SLMAP: variants seen among roughly 807,000 people sequenced by gnomAD.
SLMAP encodes the protein sarcolemmal membrane-associated protein.
In SLMAP, 44 loss-of-function variants were observed where a neutral mutation model predicts 128.8. The observed-to-expected ratio is 0.34, with a 90% CI of 0.27 to 0.44. The LOEUF (loss-of-function observed/expected upper bound fraction) is 0.44, where lower values mean the gene tolerates loss of function less well. SLMAP is among the 20% of genes least tolerant of loss of function. The pLI, the probability that SLMAP is intolerant of heterozygous loss-of-function variation, is 1.00. For synonymous variants in SLMAP, 327 were observed against 348.8 expected (o/e 0.94, Z 0.70); for missense variants, 787 against 985.3 (o/e 0.80, Z 2.69).
Position 57,896,329 on chromosome 3 carries a change from G to A in SLMAP, c.1361-182G>A, listed in dbSNP as rs958434007. On this transcript the variant is annotated intron_variant, in intron 15 of 24. Transcript: ENST00000671191. ...CACATTATAATTTAATATGAGCTACGTGTAATAACCAGCATTCCATTTTGG... is the reference window on the plus strand; with the variant it reads ...CACATTATAATTTAATATGAGCTACATGTAATAACCAGCATTCCATTTTGG... 4.0e-5 allele frequency: 53 copies of A among 1,338,954 alleles called. No homozygotes were observed. The African/African-American group carries it at 6.2e-4, about 16-fold the overall frequency. The allele number at this position is 1,338,954 out of a possible 1,614,324, so 82.9% of individuals were successfully genotyped here. A position where few individuals can be genotyped will look rare whatever the true frequency, so the allele number is the denominator to read the frequency against.
At chr3:57,792,500 G>A (rs555061744) in intron 2 of SLMAP, among the ~76,000 whole-genome samples, 2 of 151,800 alleles carry the variant, frequency 1.3e-5, no homozygotes, top group South Asian at 2.1e-4. Context: ...TAACAGTTAG[G>A]TTTTATATTT....
intron 2 of SLMAP, among the ~76,000 whole-genome samples, chr3:57,775,792 C>T (rs1404414444): frequency 2.0e-5 from 3 of 151,990 alleles, no homozygotes; most frequent in East Asian, 1.9e-4. Flanking sequence ...CTCTGCCTCC[C>T]GGGTTCAAGT....
At chr3:57,854,524 G>A (rs150926206) in intron 6 of SLMAP, among the ~76,000 whole-genome samples, 2 of 152,260 alleles carry the variant, frequency 1.3e-5, no homozygotes, top group African/African-American at 4.8e-5. Flanking sequence ...CTTGAACGCG[G>A]GAGGTGGAGG....
intron 4 of SLMAP, among the ~76,000 whole-genome samples, chr3:57,845,997 G>A (rs978040936): frequency 6.6e-6 from 1 of 151,854 alleles, no homozygotes. Context: ...ACATGCCACC[G>A]CACCTGGCTG....
intron 10 of SLMAP, among the ~76,000 whole-genome samples, chr3:57,863,202 G>A (rs2153602556): frequency 6.6e-6 from 1 of 152,168 alleles, no homozygotes; most frequent in South Asian, 2.1e-4. Context: ...CTATCTATGA[G>A]ACATCTAGGA....
At chr3:57,854,936 T>C (rs1012604898) in intron 6 of SLMAP, among the ~76,000 whole-genome samples, 36 of 152,342 alleles carry the variant, frequency 2.4e-4, no homozygotes, top group African/African-American at 7.2e-4. Context: ...GCGTAGCCTA[T>C]TACACACCTA....
At chr3:57,789,905 C>T (rs2085070968) in intron 2 of SLMAP, among the ~76,000 whole-genome samples, 1 of 152,132 alleles carries the variant, frequency 6.6e-6, no homozygotes, top group East Asian at 1.9e-4. Flanking sequence ...GGCATGATCT[C>T]GGCTCACTGC....
At chr3:57,856,775 A>G (rs1014817651) in intron 6 of SLMAP, among the ~76,000 whole-genome samples, 45 of 152,230 alleles carry the variant, frequency 3.0e-4, no homozygotes, top group African/African-American at 9.9e-4. Context: ...ATTATGTACT[A>G]TATATAATTA....
chr3:57,870,959 C>G lies in SLMAP; in HGVS notation c.1238-677C>G, dbSNP rs72876789. ...AAACTTTTATTTAACCACTATGTTA[C>G]ATTTTTATTGTCTCCATTCATTTCT... On this transcript the variant is annotated intron_variant, in intron 13 of 24. Coordinates refer to ENST00000671191, the MANE Select transcript of SLMAP (RefSeq NM_001377540.1). Among the ~76,000 whole-genome samples, 883 of 152,236 alleles carry G rather than the reference C, an allele frequency of 5.8e-3. 7 individuals are homozygous for G. Among genetic ancestry groups the G allele is most frequent in the African/African-American group, 0.019 (805 of 41,516 alleles).
At chr3:57,786,939 T>C (rs1011249267) in intron 2 of SLMAP, among the ~76,000 whole-genome samples, 3 of 152,064 alleles carry the variant, frequency 2.0e-5, no homozygotes, top group East Asian at 1.9e-4. Flanking sequence ...GGTTTCACCA[T>C]GTTAGCCAGG....
intron 5 of SLMAP, among the ~76,000 whole-genome samples, chr3:57,849,422 T>TA (rs1351588376): frequency 6.6e-6 from 1 of 152,186 alleles, no homozygotes; most frequent in Non-Finnish European, 1.5e-5. Context: ...GCCCCTGCCC[T>TA]ACCTATACCA....
intron 13 of SLMAP, among the ~76,000 whole-genome samples, chr3:57,868,801 TATATATATATATATATATATAAA>T (rs2095377923): frequency 4.6e-5 from 1 of 21,910 alleles, no homozygotes; most frequent in South Asian, 1.6e-3. Flanking sequence ...ATGGAATATA[TATATATATATATATATATATAAA>T]ATATATATAT....
In SLMAP at chr3:57,864,862, G is replaced by A. The variant is rs1007526310; in HGVS notation, c.1186+5G>A. 2.4e-5 allele frequency: 38 copies of A among 1,564,078 alleles called. No individual in the cohort carries two copies. Among genetic ancestry groups the A allele is most frequent in the Non-Finnish European group, 3.2e-5 (37 of 1,155,712 alleles). On this transcript the variant is annotated splice_donor_5th_base_variant and intron_variant, in intron 12 of 24. Transcript: ENST00000671191. ...TTAAAGAATGCAGCAGCTTGGGTAG[G>A]TGGCATCCATATTTCTTACTTAAAC...
Position 57,757,215 on chromosome 3 carries a change from T to C in SLMAP, c.-437T>C, listed in dbSNP as rs1258875992. ...CCGCGCCGAACCGACCCTTCATTCA[T>C]GCTGCAGTGCTGCAACGTTTCCGCC... On this transcript the variant is annotated 5_prime_UTR_variant, in exon 2 of 25. The change abolishes an upstream ATG in the 5' untranslated region. Transcript: ENST00000671191. The C allele has an allele frequency of 4.4e-6, 1 of 227,130 alleles. No individual in the cohort carries two copies. Among genetic ancestry groups the C allele is most frequent in the Non-Finnish European group, 8.9e-6 (1 of 112,646 alleles). 14.1% of individuals were successfully genotyped at this position (227,130 alleles called of 1,614,324 possible). A position where few individuals can be genotyped will look rare whatever the true frequency, so the allele number is the denominator to read the frequency against.
rs368756603 is a variant in SLMAP, at chr3:57,852,516, TAC to T, written c.519+2704_519+2705del. ...ATGGATATAGTAATAGCACTTAACT[TAC>T]ACAGAATTGTGAAGAATAAAAAAAT... On this transcript the variant is annotated intron_variant, in intron 6 of 24. Coordinates refer to ENST00000671191, the MANE Select transcript of SLMAP (RefSeq NM_001377540.1). 1.7e-4 allele frequency among the ~76,000 whole-genome samples: 26 copies of T among 152,304 alleles called. No individual in the cohort carries two copies. The South Asian group carries it at 5.4e-3, about 32-fold the overall frequency.
Position 57,929,476 on chromosome 3 carries a change from G to A in SLMAP, c.*2187G>A, listed in dbSNP as rs2097049472. 2.0e-5 allele frequency among the ~76,000 whole-genome samples: 3 copies of A among 152,048 alleles called. No individual in the cohort carries two copies. The highest frequency in any genetic ancestry group is 7.2e-5 in the African/African-American group (3 of 41,402). On this transcript the variant is annotated 3_prime_UTR_variant, in exon 25 of 25. Coordinates refer to ENST00000671191, the MANE Select transcript of SLMAP (RefSeq NM_001377540.1). ...CAAGTGGAATAAATGGCTTTTTGTA[G>A]TTACTTCCAGTTTTCCTCAAGAATA...
At chr3:57,867,405 A>T (rs1457917209) in intron 13 of SLMAP, among the ~76,000 whole-genome samples, 1 of 152,178 alleles carries the variant, frequency 6.6e-6, no homozygotes. Flanking sequence ...GACTGTTTTC[A>T]TATTGTATTA....
intron 4 of SLMAP, among the ~76,000 whole-genome samples, chr3:57,843,718 TTCTTTTTCTTTC>T (rs1409487130): frequency 2.0e-5 from 3 of 151,234 alleles, no homozygotes; most frequent in Non-Finnish European, 4.4e-5. Context: ...CTTTCTTTCT[TTCTTTTTCTTTC>T]TTTCTTTCTT....
intron 3 of SLMAP, among the ~76,000 whole-genome samples, chr3:57,840,087 C>T (rs375025055): frequency 1.3e-5 from 2 of 152,290 alleles, no homozygotes; most frequent in South Asian, 2.1e-4. Flanking sequence ...TCCCAAAGTA[C>T]TGGGATTACA....
Sources: allele counts gnomAD v4.1 joint callset (sites outside exome capture counted in the v4.1 genomes callset), GRCh38; gene constraint gnomAD v4.1.1; transcripts MANE v1.5; gene names NCBI Gene and HGNC (gene_info 2026-07-23, HGNC 2026-07-21).